TTC23L: variants seen among roughly 807,000 people sequenced by gnomAD.
The protein encoded by TTC23L is tetratricopeptide repeat protein 23-like.
In TTC23L, 42 loss-of-function variants were observed where a neutral mutation model predicts 48.1. The ratio of observed to expected loss-of-function variants is 0.87; its 90% confidence interval spans 0.68 to 1.13. The LOEUF is 1.13. TTC23L is among the 50% of genes most tolerant of loss of function. TTC23L has a pLI of 0.00. For synonymous variants in TTC23L, 159 were observed against 157.2 expected, an observed-to-expected ratio of 1.01 and a Z score of -0.09; for missense variants, 391 against 421.0, an observed-to-expected ratio of 0.93 and a Z score of 0.62.
downstream of TTC23L, among the ~76,000 whole-genome samples, chr5:34,901,151 T>TCATGA (rs374455935): frequency 1.2e-3 from 180 of 152,332 alleles, no homozygotes; most frequent in African/African-American, 4.2e-3. Context: ...TTTTATGCAT[T>TCATGA]CATACCTTTT....
chr5:34,918,385 C>T, the TTC23L span: 11 of 1,560,466 alleles, frequency 7.0e-6, no homozygotes, highest in African/African-American at 5.5e-5. Context: ...AAATAAGGAA[C>T]GGATTCTCAT....
chr5:34,850,655 G>A (rs932784914), intron 4 of TTC23L, among the ~76,000 whole-genome samples: 5 of 152,144 alleles, frequency 3.3e-5, no homozygotes, highest in Non-Finnish European at 2.9e-5. Context: ...CCGGAGGACA[G>A]TAGGGGAAGG....
intron 4 of TTC23L, among the ~76,000 whole-genome samples, chr5:34,856,383 C>A (rs368662698): frequency 1.3e-5 from 2 of 152,202 alleles, no homozygotes; most frequent in Non-Finnish European, 1.5e-5. Flanking sequence ...AACCTCCCCC[C>A]ATCCAGAACA....
intron 1 of TTC23L, chr5:34,839,636 T>G: frequency 1.0e-6 from 1 of 985,148 alleles, no homozygotes; most frequent in Non-Finnish European, 1.2e-6. Context: ...TTTCGGATAA[T>G]GGATGCTCTG....
At chr5:34,923,087 A>C in the TTC23L span, 1 of 1,561,426 alleles carries the variant, frequency 6.4e-7, no homozygotes, top group Non-Finnish European at 8.8e-7. Flanking sequence ...CAAAATATAC[A>C]TGATATATCT....
chr5:34,882,559 G>A (rs2111687737), intron 9 of TTC23L, among the ~76,000 whole-genome samples: 1 of 149,948 alleles, frequency 6.7e-6, no homozygotes, highest in East Asian at 2.0e-4. Flanking sequence ...TGAGGCTCTA[G>A]GCCTGTCCTA....
At position 34,863,889 on chromosome 5, in the gene TTC23L, ACTTGCAAAAT is replaced by A. The variant is rs1463604387; in HGVS notation, c.537-545_537-536del. On this transcript the variant is annotated intron_variant, in intron 5 of 10. Transcript: ENST00000505624. This position sits in a 1 kb window ranked among gnomAD's most constrained non-coding sequence, Gnocchi z 4.1. ...TCTACTTTTTTGGTCCTAATGTTCA[ACTTGCAAAAT>A]CTGATATGTGGCCTTCCTCTGTTAT... Among the ~76,000 whole-genome samples, 1 of 152,160 alleles carries A rather than the reference ACTTGCAAAAT, an allele frequency of 6.6e-6. No individual in the cohort carries two copies. Among genetic ancestry groups the A allele is most frequent in the African/African-American group, 2.4e-5 (1 of 41,434 alleles).
At chr5:34,842,348 A>ATT (rs34916959) in intron 2 of TTC23L, among the ~76,000 whole-genome samples, 35 of 148,102 alleles carry the variant, frequency 2.4e-4, no homozygotes, top group Non-Finnish European at 3.6e-4. Context: ...GTTGGATAGC[A>ATT]TTTTTTTTTT....
intron 8 of TTC23L, among the ~76,000 whole-genome samples, chr5:34,879,126 A>G (rs562500430): frequency 9.8e-5 from 15 of 152,314 alleles, no homozygotes; most frequent in African/African-American, 3.1e-4. Context: ...TCACTCATAA[A>G]TGGGTGCTAA....
intron 8 of TTC23L, among the ~76,000 whole-genome samples, chr5:34,879,498 C>T (rs1762074847): frequency 6.6e-6 from 1 of 152,154 alleles, no homozygotes; most frequent in South Asian, 2.1e-4. Flanking sequence ...CAGCACCCCC[C>T]AAACAGGAAC....
At chr5:34,911,999 C>A in the TTC23L span, among the ~76,000 whole-genome samples, 4 of 152,146 alleles carry the variant, frequency 2.6e-5, no homozygotes, top group Non-Finnish European at 5.9e-5. Context: ...TCCAAAACTA[C>A]AAGAAAATTG....
At chr5:34,909,833 A>T in the TTC23L span, among the ~76,000 whole-genome samples, 1 of 152,328 alleles carries the variant, frequency 6.6e-6, no homozygotes, top group South Asian at 2.1e-4. Context: ...TAGACAATTT[A>T]TAAGTGTTAA....
chr5:34,871,803 C>A (rs1761488386), intron 8 of TTC23L, among the ~76,000 whole-genome samples: 1 of 151,788 alleles, frequency 6.6e-6, no homozygotes, highest in African/African-American at 2.4e-5. Context: ...TAATTATGGC[C>A]AATTAATTTT....
chr5:34,884,769 A>T (rs1762448052), intron 9 of TTC23L, among the ~76,000 whole-genome samples: 1 of 152,218 alleles, frequency 6.6e-6, no homozygotes, highest in African/African-American at 2.4e-5. Context: ...TAGGAAAATA[A>T]CAAATTATAT....
chr5:34,840,264 C>T (rs1026355491), intron 1 of TTC23L, among the ~76,000 whole-genome samples: 1 of 132,470 alleles, frequency 7.5e-6, no homozygotes, highest in African/African-American at 3.1e-5. Flanking sequence ...GCAGAATTAA[C>T]CAATACACTG....
chr5:34,924,815 A>T, the TTC23L span: 2 of 1,540,704 alleles, frequency 1.3e-6, no homozygotes, highest in Admixed American at 1.7e-5. Context: ...AACGTAACCA[A>T]ACCAAAATGA....
chr5:34,840,428 A>T (rs1234440727), intron 1 of TTC23L, among the ~76,000 whole-genome samples: 2 of 152,206 alleles, frequency 1.3e-5, no homozygotes, highest in Non-Finnish European at 2.9e-5. Context: ...AAGGCCAGGG[A>T]TTTTGGAGAA....
At chr5:34,924,694 A>T in the TTC23L span, among the ~76,000 whole-genome samples, 3 of 152,192 alleles carry the variant, frequency 2.0e-5, no homozygotes, top group African/African-American at 7.2e-5. Context: ...ATTTCAGAAA[A>T]TATTGATGAT....
intron 8 of TTC23L, among the ~76,000 whole-genome samples, chr5:34,873,578 AG>A (rs1561143780): frequency 6.6e-6 from 1 of 152,168 alleles, no homozygotes; most frequent in Admixed American, 6.5e-5. Flanking sequence ...TATCAGATAA[AG>A]GGGGCAAACT....
Sources: allele counts gnomAD v4.1 joint callset (sites outside exome capture counted in the v4.1 genomes callset), GRCh38; gene constraint gnomAD v4.1.1; non-coding constraint Gnocchi (gnomAD v3.1); transcripts MANE v1.5; gene names NCBI Gene and HGNC (gene_info 2026-07-23, HGNC 2026-07-21).